PYY: variants seen among roughly 807,000 people sequenced by gnomAD.
The protein encoded by PYY is peptide tyrosine tyrosine.
A neutral mutation model predicts 10.3 loss-of-function variants in PYY; 12 were observed. The ratio of observed to expected loss-of-function variants is 1.17; its 90% CI spans 0.75 to 1.89. The LOEUF is 1.89. Ranked by LOEUF, PYY falls within the 40% of genes most tolerant of loss-of-function variation. PYY has a pLI of 0.00. For missense variants in PYY, 141 were observed against 134.0 expected, an observed-to-expected ratio of 1.05 and a Z score of -0.26; for synonymous variants, 66 against 62.0, an observed-to-expected ratio of 1.06 and a Z score of -0.30.
Position 43,963,964 on chromosome 17 carries a change from C to T in PYY, c.-218+2324G>A, listed in dbSNP as rs190008168. Among the ~76,000 whole-genome samples the T allele has an allele frequency of 6.6e-5, 10 of 152,298 alleles. No homozygotes were observed. The East Asian group carries it at 1.5e-3, about 24-fold the overall frequency. On this transcript the variant is annotated intron_variant, in intron 2 of 6. Coordinates refer to the PYY transcript ENST00000360085. Reference sequence around the variant, plus strand: ...GATCAAGGCTGCAGTGAGCTGTGAACGTGCCACTGCACTCCAGCCTGGTGA... The same window carrying T: ...GATCAAGGCTGCAGTGAGCTGTGAATGTGCCACTGCACTCCAGCCTGGTGA...
intron 1 of PYY, among the ~76,000 whole-genome samples, chr17:44,002,057 C>G (rs1376562787): frequency 6.6e-6 from 1 of 152,132 alleles, no homozygotes; most frequent in Non-Finnish European, 1.5e-5. Flanking sequence ...CTGGAGGTGG[C>G]CCCACCAGGT....
At chr17:43,966,047 C>G (rs1280766594) in intron 2 of PYY, among the ~76,000 whole-genome samples, 1 of 152,090 alleles carries the variant, frequency 6.6e-6, no homozygotes, top group African/African-American at 2.4e-5. Context: ...AGTTCCCTAT[C>G]CACATAGTCC....
chr17:43,976,210 CGT>C (rs1491322254), intron 1 of PYY, among the ~76,000 whole-genome samples: 1 of 137,778 alleles, frequency 7.3e-6, no homozygotes, highest in Non-Finnish European at 1.5e-5. Context: ...TATACATATA[CGT>C]ATATGTATAC....
intron 1 of PYY, among the ~76,000 whole-genome samples, chr17:43,998,819 A>G (rs2049006878): frequency 6.6e-6 from 1 of 152,180 alleles, no homozygotes; most frequent in Non-Finnish European, 1.5e-5. Context: ...AGATTTGGCC[A>G]CAGCATGGGG....
At chr17:43,991,376 A>G (rs1410150386) in intron 1 of PYY, among the ~76,000 whole-genome samples, 2 of 152,138 alleles carry the variant, frequency 1.3e-5, no homozygotes, top group Admixed American at 6.5e-5. Context: ...GGTTGCAGTG[A>G]GCTGAGATCT....
chr17:43,960,433 C>T (rs1284911794), intron 2 of PYY, among the ~76,000 whole-genome samples: 1 of 143,488 alleles, frequency 7.0e-6, no homozygotes, highest in East Asian at 2.1e-4. Flanking sequence ...ATCCCAGCTA[C>T]TCAGGTGGGC....
chr17:43,959,019 GT>G (rs2048694369), intron 2 of PYY, among the ~76,000 whole-genome samples: 1 of 152,202 alleles, frequency 6.6e-6, no homozygotes, highest in Non-Finnish European at 1.5e-5. Flanking sequence ...ATCTAGAAGT[GT>G]GCTACATCAG....
At chr17:43,954,220 A>G (rs2048657398), upstream of PYY, among the ~76,000 whole-genome samples, 1 of 152,050 alleles carries the variant, frequency 6.6e-6, no homozygotes, top group African/African-American at 2.4e-5. Flanking sequence ...CTCCTGAGGA[A>G]GTGAAGCGGT....
intron 2 of PYY, among the ~76,000 whole-genome samples, chr17:43,965,788 A>AC (rs2048750846): frequency 2.4e-5 from 3 of 123,152 alleles, no homozygotes; most frequent in Admixed American, 1.7e-4. Flanking sequence ...AATCCATCTC[A>AC]CAAAAAAAAA....
chr17:43,988,470 C>T (rs1490737534), intron 1 of PYY, among the ~76,000 whole-genome samples: 1 of 152,160 alleles, frequency 6.6e-6, no homozygotes, highest in African/African-American at 2.4e-5. Context: ...ATCCTCAATT[C>T]AGCTCCCCGG....
At chr17:43,953,269 G>C (rs1421763076) in intron 2 of PYY, 27 bp downstream of exon 2, 1 of 1,608,232 alleles carries the variant, frequency 6.2e-7, no homozygotes, top group Admixed American at 1.7e-5. Flanking sequence ...GAGAGCCCCA[G>C]GGGTCCCGCT....
At chr17:43,976,120 C>T (rs1428360338) in intron 1 of PYY, among the ~76,000 whole-genome samples, 1 of 111,034 alleles carries the variant, frequency 9.0e-6, no homozygotes. Flanking sequence ...TACATGTATA[C>T]GTATATATGT....
intron 1 of PYY, among the ~76,000 whole-genome samples, chr17:43,999,638 C>T (rs1042118294): frequency 1.3e-5 from 2 of 151,946 alleles, no homozygotes; most frequent in East Asian, 1.9e-4. Flanking sequence ...CGTGGTGGCG[C>T]GTGCCTGTAA....
At chr17:43,995,590 T>G (rs1440354258) in intron 1 of PYY, among the ~76,000 whole-genome samples, 2 of 152,130 alleles carry the variant, frequency 1.3e-5, no homozygotes, top group African/African-American at 2.4e-5. Context: ...TCCCAGTGCT[T>G]TGGGAGGCCC....
chr17:43,956,424 C>A (rs1173959006), upstream of PYY, among the ~76,000 whole-genome samples: 3 of 151,168 alleles, frequency 2.0e-5, no homozygotes, highest in African/African-American at 7.3e-5. Flanking sequence ...AGCCACCCCC[C>A]GATCCACACA....
At chr17:43,964,303 A>G (rs1356621507) in intron 2 of PYY, among the ~76,000 whole-genome samples, 1 of 152,222 alleles carries the variant, frequency 6.6e-6, no homozygotes, top group African/African-American at 2.4e-5. Context: ...CTTCAAATGC[A>G]TAATCAAACT....
intron 1 of PYY, among the ~76,000 whole-genome samples, chr17:43,967,603 C>A (rs1265147419): frequency 6.6e-6 from 1 of 152,180 alleles, no homozygotes; most frequent in Non-Finnish European, 1.5e-5. Flanking sequence ...ACAATAGCAT[C>A]TACTTCATAT....
At chr17:43,988,928 A>AT (rs1456970151) in intron 1 of PYY, among the ~76,000 whole-genome samples, 1 of 151,716 alleles carries the variant, frequency 6.6e-6, no homozygotes, top group Non-Finnish European at 1.5e-5. Flanking sequence ...ACACCGGCTA[A>AT]TGTTTGTATT....
At chr17:43,998,287 G>A (rs1039676981) in intron 1 of PYY, among the ~76,000 whole-genome samples, 5 of 150,820 alleles carry the variant, frequency 3.3e-5, no homozygotes, top group African/African-American at 1.2e-4. Flanking sequence ...GCCAGACACA[G>A]TGGCTCACAC....
Sources: allele counts gnomAD v4.1 joint callset (sites outside exome capture counted in the v4.1 genomes callset), GRCh38; gene constraint gnomAD v4.1.1; transcripts MANE v1.5; gene names NCBI Gene and HGNC (gene_info 2026-07-23, HGNC 2026-07-21).